Variants in NR2C2 observed in about 807,000 individuals in gnomAD.
The protein encoded by NR2C2 is nuclear receptor subfamily 2 group C member 2, also known as Nuclear hormone receptor TR4.
A neutral mutation model predicts 62.9 loss-of-function variants in NR2C2; 6 were observed. The ratio of observed to expected loss-of-function variants is 0.10; its 90% CI spans 0.05 to 0.19. The LOEUF (loss-of-function observed/expected upper bound fraction) is 0.19, where lower values mean the gene tolerates loss of function less well. Among genes scored for constraint, NR2C2 ranks in the 10% least tolerant of loss-of-function variants. The pLI is 1.00. For synonymous variants in NR2C2, 272 were observed against 273.8 expected, an observed-to-expected ratio of 0.99 and a Z score of 0.07; for missense variants, 479 against 762.7, an observed-to-expected ratio of 0.63 and a Z score of 4.38.
intron 1 of NR2C2, among the ~76,000 whole-genome samples, chr3:14,989,150 C>T (rs1250251190): frequency 6.6e-6 from 1 of 152,132 alleles, no homozygotes; most frequent in Non-Finnish European, 1.5e-5. Context: ...TGTCTCAAAG[C>T]CAGAGAACCT....
At chr3:14,952,021 C>G (rs2039378115) in intron 1 of NR2C2, among the ~76,000 whole-genome samples, 1 of 152,228 alleles carries the variant, frequency 6.6e-6, no homozygotes, top group Admixed American at 6.5e-5. Flanking sequence ...GCTGGGATTA[C>G]AGGTGTGAGC....
chr3:15,023,485 C>A lies in NR2C2; in HGVS notation c.704+138C>A, dbSNP rs75970563. On this transcript the variant is annotated intron_variant, in intron 6 of 13. Transcript: ENST00000425241. ...GTTGTGTTGCCTAATTCTGCCCCTT[C>A]TGGAGCTGCTCAGTCACACCTCTGG... The A allele has an allele frequency of 4.0e-3, 3,801 of 945,748 alleles. 94 individuals carry two copies. The African/African-American group carries it at 0.055, about 14-fold the overall frequency. The allele number at this position is 945,748 out of a possible 1,614,324, so 58.6% of individuals were successfully genotyped here. A position where few individuals can be genotyped will look rare whatever the true frequency, so the allele number is the denominator to read the frequency against.
intron 1 of NR2C2, among the ~76,000 whole-genome samples, chr3:14,964,920 A>G (rs1392058869): frequency 6.6e-6 from 1 of 152,132 alleles, no homozygotes; most frequent in Non-Finnish European, 1.5e-5. Flanking sequence ...AGCTCAGGGC[A>G]CAAGGCAGAA....
At chr3:14,960,052 T>G (rs1308393547) in intron 1 of NR2C2, among the ~76,000 whole-genome samples, 2 of 152,132 alleles carry the variant, frequency 1.3e-5, no homozygotes, top group Non-Finnish European at 2.9e-5. Context: ...AAGAATCAAT[T>G]TGCAGATGGA....
chr3:14,986,520 C>A (rs1195836521), intron 1 of NR2C2, among the ~76,000 whole-genome samples: 1 of 152,130 alleles, frequency 6.6e-6, no homozygotes, highest in Non-Finnish European at 1.5e-5. Flanking sequence ...TGCAAAAGAT[C>A]CATACCTTAT....
chr3:14,971,810 CT>C lies in NR2C2; in HGVS notation c.-40+23919del, dbSNP rs533448715. On this transcript the variant is annotated intron_variant, in intron 1 of 13. Transcript: ENST00000425241. ...ATTAATTTACCTAAATTTCTTTTTT[CT>C]TTTTTTTTTTTTTTGAGACAGAGTT... is the stretch of plus-strand genomic sequence containing the variant. Among the ~76,000 whole-genome samples the C allele has an allele frequency of 3.8e-3, 516 of 135,374 alleles. 5 individuals carry two copies. Among genetic ancestry groups the C allele is most frequent in the Admixed American group, 0.018 (246 of 13,742 alleles). 88.8% of individuals were successfully genotyped at this position (135,374 alleles called of 152,430 possible). A position where few individuals can be genotyped will look rare whatever the true frequency, so the allele number is the denominator to read the frequency against.
intron 1 of NR2C2, among the ~76,000 whole-genome samples, chr3:14,988,247 T>A (rs1384333518): frequency 6.6e-6 from 1 of 152,238 alleles, no homozygotes; most frequent in Admixed American, 6.5e-5. Flanking sequence ...ACCTCCAGCT[T>A]CCAGTGCCAA....
intron 2 of NR2C2, among the ~76,000 whole-genome samples, chr3:15,008,594 C>T (rs2041258308): frequency 6.6e-6 from 1 of 151,728 alleles, no homozygotes; most frequent in Non-Finnish European, 1.5e-5. Context: ...GCCTGCAGGC[C>T]ATTCATTGGC....
intron 1 of NR2C2, among the ~76,000 whole-genome samples, chr3:14,987,330 G>A (rs954901444): frequency 6.6e-6 from 1 of 152,046 alleles, no homozygotes; most frequent in Non-Finnish European, 1.5e-5. Context: ...CAATCCTTCC[G>A]CCTTGGCCTC....
chr3:15,032,313 G>A (rs2042000650), intron 9 of NR2C2, 66 bp from the exon 10 acceptor site: 7 of 1,608,254 alleles, frequency 4.4e-6, no homozygotes, highest in Non-Finnish European at 5.1e-6. Context: ...AGGGATACAT[G>A]TTGACAGACA....
chr3:14,966,772 T>G (rs2039870456), intron 1 of NR2C2, among the ~76,000 whole-genome samples: 1 of 152,180 alleles, frequency 6.6e-6, no homozygotes, highest in African/African-American at 2.4e-5. Flanking sequence ...ATGAAATAAC[T>G]TGATGTCCTA....
intron 1 of NR2C2, among the ~76,000 whole-genome samples, chr3:14,988,789 G>GA (rs1410131128): frequency 2.6e-5 from 4 of 151,942 alleles, no homozygotes; most frequent in Non-Finnish European, 5.9e-5. Context: ...GCTAGAATCT[G>GA]AAAATGGATG....
At chr3:14,991,522 T>C (rs542153733) in intron 1 of NR2C2, among the ~76,000 whole-genome samples, 104 of 152,188 alleles carry the variant, frequency 6.8e-4, no homozygotes, top group Non-Finnish European at 1.3e-3. Flanking sequence ...TTTTACATTG[T>C]TCATGATTTC....
intron 2 of NR2C2, chr3:15,004,500 T>C (rs2041111288): frequency 3.4e-6 from 5 of 1,465,818 alleles, no homozygotes; most frequent in Non-Finnish European, 4.6e-6. Context: ...TAATAACTTA[T>C]TACTAATATT....
Position 15,037,581 on chromosome 3 carries a change from A to C in NR2C2, c.1373-419A>C, listed in dbSNP as rs146003088. On this transcript the variant is annotated intron_variant, in intron 11 of 13. Coordinates refer to ENST00000425241, the MANE Select transcript of NR2C2 (RefSeq NM_001291694.2). ...CAACATAGTAAGACACCCAACTCAA[A>C]AAAAATTGTTTTGACAACTAAAAAT... 3.3e-3 allele frequency among the ~76,000 whole-genome samples: 502 copies of C among 152,326 alleles called. 2 individuals carry two copies. The highest frequency in any genetic ancestry group is 0.011 in the African/African-American group (466 of 41,576).
chr3:14,956,722 G>C (rs2039536691), intron 1 of NR2C2, among the ~76,000 whole-genome samples: 1 of 152,118 alleles, frequency 6.6e-6, no homozygotes, highest in Non-Finnish European at 1.5e-5. Context: ...TGTATTTTTA[G>C]TAGAGATAGG....
chr3:14,952,206 G>A (rs2039385854), intron 1 of NR2C2, among the ~76,000 whole-genome samples: 1 of 152,222 alleles, frequency 6.6e-6, no homozygotes, highest in Admixed American at 6.5e-5. Context: ...GGAGGTGGGA[G>A]CCAGCATTGA....
intron 1 of NR2C2, among the ~76,000 whole-genome samples, chr3:14,979,095 C>T (rs944550863): frequency 1.3e-5 from 2 of 152,210 alleles, no homozygotes; most frequent in Non-Finnish European, 2.9e-5. Context: ...TGCTTTCTGT[C>T]CTCCAAAAGT....
intron 1 of NR2C2, among the ~76,000 whole-genome samples, chr3:14,985,038 G>A (rs2040477135): frequency 6.6e-6 from 1 of 152,066 alleles, no homozygotes; most frequent in Admixed American, 6.6e-5. Context: ...GACTAATAAT[G>A]TTGAACATCT....
Sources: allele counts gnomAD v4.1 joint callset (sites outside exome capture counted in the v4.1 genomes callset), GRCh38; gene constraint gnomAD v4.1.1; transcripts MANE v1.5; gene names NCBI Gene and HGNC (gene_info 2026-07-23, HGNC 2026-07-21).